DYNC2H1: variants seen among roughly 807,000 people sequenced by gnomAD.
The protein encoded by DYNC2H1 is dynein cytoplasmic 2 heavy chain 1, also known as cytoplasmic dynein 2 heavy chain 1.
A neutral mutation model predicts 570.0 loss-of-function variants in DYNC2H1; 410 were observed. The observed-to-expected ratio is 0.72, with a 90% confidence interval of 0.66 to 0.78. The LOEUF is 0.78. Among genes scored for constraint, DYNC2H1 ranks in the 30% least tolerant of loss-of-function variants. The pLI, the probability that DYNC2H1 is intolerant of heterozygous loss-of-function variation, is 0.00. For missense variants in DYNC2H1, 4,865 were observed against 5,046.4 expected (o/e 0.96, Z 1.09); for synonymous variants, 1,688 against 1,677.6 (o/e 1.01, Z -0.15).
At chr11:103,384,018 C>G (rs1315644556) in intron 83 of DYNC2H1, among the ~76,000 whole-genome samples, 5 of 152,116 alleles carry the variant, frequency 3.3e-5, no homozygotes, top group South Asian at 4.1e-4. Flanking sequence ...GGTCTTATGA[C>G]AGTAATCTTT....
rs200658596 is a variant in DYNC2H1, at chr11:103,312,066, G to A, written c.11649+33G>A. On this transcript the variant is annotated intron_variant, in intron 79 of 88. Coordinates refer to ENST00000375735, the MANE Select transcript of DYNC2H1 (RefSeq NM_001377.3). ...AGAACATGTCTTGAATACATTCTAA[G>A]CTTTATATTTTTGTATGTTAAAATA... The A allele has an allele frequency of 7.9e-5, 125 of 1,574,154 alleles. No homozygotes were observed. In the Admixed American group the frequency reaches 1.7e-3, roughly 21 times the overall value.
At chr11:103,233,098 G>A (rs1864076967) in intron 60 of DYNC2H1, among the ~76,000 whole-genome samples, 1 of 151,872 alleles carries the variant, frequency 6.6e-6, no homozygotes, top group African/African-American at 2.4e-5. Flanking sequence ...GAAGGAAGAA[G>A]GCACTTAGAA....
At chr11:103,394,450 G>A (rs575516415) in intron 83 of DYNC2H1, among the ~76,000 whole-genome samples, 10 of 152,176 alleles carry the variant, frequency 6.6e-5, no homozygotes, top group Admixed American at 3.3e-4. Flanking sequence ...ACAGAATTAT[G>A]TGTGCAGTTT....
rs1866498821 is a variant in DYNC2H1, at chr11:103,289,392, T to C, written c.11095+1787T>C. Among the ~76,000 whole-genome samples, 1 of 152,218 alleles carries C rather than the reference T, an allele frequency of 6.6e-6. No homozygotes were observed. The highest frequency in any genetic ancestry group is 2.4e-5 in the African/African-American group (1 of 41,468). On this transcript the variant is annotated intron_variant, in intron 75 of 88. Coordinates refer to ENST00000375735, the MANE Select transcript of DYNC2H1 (RefSeq NM_001377.3). The surrounding 1 kb of genome is among the most constrained non-coding windows in gnomAD (Gnocchi z 4.2). ...GGATAGTTCAGCCTACATGCAGGAA[T>C]GAACAAGGTCAGCTTAAAGGCTAGA...
rs1356760011 is a variant in DYNC2H1 at position 103,439,520 on chromosome 11, G to A, written c.12456+3488G>A. Among the ~76,000 whole-genome samples the A allele has an allele frequency of 6.6e-6, 1 of 152,044 alleles. No homozygotes were observed. The highest frequency in any genetic ancestry group is 1.5e-5 in the Non-Finnish European group (1 of 67,990). The stretch of plus-strand genomic sequence containing the variant: ...GGTAACCATTGCAGCATTTTAAGAA[G>A]GAAAGTCAGATTATGTTTTAAAGGG... On this transcript the variant is annotated intron_variant, in intron 85 of 88. Coordinates refer to ENST00000375735, the MANE Select transcript of DYNC2H1 (RefSeq NM_001377.3). This position sits in a 1 kb window ranked among gnomAD's most constrained non-coding sequence, Gnocchi z 4.1.
intron 79 of DYNC2H1, among the ~76,000 whole-genome samples, chr11:103,315,120 A>T (rs543721371): frequency 3.3e-5 from 5 of 151,948 alleles, no homozygotes; most frequent in African/African-American, 1.2e-4. Flanking sequence ...TCCAAATGCT[A>T]TTGACCCCAA....
intron 79 of DYNC2H1, among the ~76,000 whole-genome samples, chr11:103,315,912 A>G (rs551022932): frequency 6.7e-4 from 98 of 145,454 alleles, no homozygotes; most frequent in African/African-American, 2.4e-3. Context: ...TTGTATCAGT[A>G]TTCCTAATAT....
At chr11:103,309,356 C>A (rs1481880372) in intron 78 of DYNC2H1, among the ~76,000 whole-genome samples, 4 of 141,360 alleles carry the variant, frequency 2.8e-5, no homozygotes, top group African/African-American at 7.7e-5. Context: ...TATTTCTTTT[C>A]TTTTTTTTTT....
intron 62 of DYNC2H1, 138 bp downstream of exon 62, chr11:103,235,951 CAAGGA>C (rs1864202770): frequency 9.4e-7 from 1 of 1,061,442 alleles, no homozygotes; most frequent in East Asian, 2.7e-5. Context: ...ATATGGGTTC[CAAGGA>C]TACCCTAGCT....
chr11:103,457,557 GA>G (rs1366535499), intron 87 of DYNC2H1, among the ~76,000 whole-genome samples: 2 of 103,148 alleles, frequency 1.9e-5, no homozygotes, highest in Non-Finnish European at 3.6e-5. Flanking sequence ...ATTTTAAAAA[GA>G]AAAAACTTAA....
chr11:103,439,261 A>G lies in DYNC2H1; in HGVS notation c.12456+3229A>G, dbSNP rs1944174665. ...TAGGAATAAACCAGATGAGGATGAG[A>G]CGAAAGAATGTATCAGACAGAAGGC... On this transcript the variant is annotated intron_variant, in intron 85 of 88. Transcript: ENST00000375735. The surrounding 1 kb of genome is among the most constrained non-coding windows in gnomAD (Gnocchi z 4.1). 6.6e-6 allele frequency among the ~76,000 whole-genome samples: 1 copy of G among 152,280 alleles called. No individual in the cohort carries two copies. The highest frequency in any genetic ancestry group is 6.5e-5 in the Admixed American group (1 of 15,278).
chr11:103,117,557 T>G (rs1475466146), intron 5 of DYNC2H1, 74 bp from the exon 6 acceptor site: 1 of 1,196,352 alleles, frequency 8.4e-7, no homozygotes. Context: ...AATATTGTCA[T>G]AAGCATGTAT....
At chr11:103,354,850 A>G (rs181664039) in intron 82 of DYNC2H1, among the ~76,000 whole-genome samples, 135 of 149,968 alleles carry the variant, frequency 9.0e-4, no homozygotes, top group African/African-American at 3.2e-3. Context: ...TACATTGTGC[A>G]GTACCAGATG....
At chr11:103,168,635 A>G in intron 31 of DYNC2H1, 120 bp from the exon 32 acceptor site, 2 of 1,053,648 alleles carry the variant, frequency 1.9e-6, no homozygotes, top group Non-Finnish European at 2.8e-6. Flanking sequence ...TATACCATTC[A>G]TATGTGTCAT....
chr11:103,347,674 T>G lies in DYNC2H1; in HGVS notation c.12040-10569T>G, dbSNP rs117977385. On this transcript the variant is annotated intron_variant, in intron 82 of 88. Coordinates refer to ENST00000375735, the MANE Select transcript of DYNC2H1 (RefSeq NM_001377.3). ...ATAGTAAAATTAATATTTAAAAGTT[T>G]TTAAAATGTCGTGGATATTTACATG... is the stretch of plus-strand genomic sequence containing the variant. Among the ~76,000 whole-genome samples the G allele has an allele frequency of 3.4e-4, 52 of 152,304 alleles. No individual in the cohort carries two copies. The East Asian group carries it at 4.0e-3, about 12-fold the overall frequency.
At chr11:103,144,262 A>G (rs971779264) in intron 18 of DYNC2H1, among the ~76,000 whole-genome samples, 1 of 152,220 alleles carries the variant, frequency 6.6e-6, no homozygotes, top group African/African-American at 2.4e-5. Context: ...ATTAGCAACA[A>G]TAGTTAGTAA....
chr11:103,300,196 C>T (rs1866990975), intron 75 of DYNC2H1, among the ~76,000 whole-genome samples: 1 of 151,956 alleles, frequency 6.6e-6, no homozygotes, highest in Non-Finnish European at 1.5e-5. Context: ...CCTTTTTGAA[C>T]TGCAAGTTGT....
Position 103,228,094 on chromosome 11 carries a change from C to G in DYNC2H1, c.9354-3166C>G, listed in dbSNP as rs1167314246. On this transcript the variant is annotated intron_variant, in intron 59 of 88. Transcript: ENST00000375735. This position sits in a 1 kb window ranked among gnomAD's most constrained non-coding sequence, Gnocchi z 6.1. ...AGAGTCCTTATTGTGTCAGGTGAGT[C>G]TCTTTTAGACAGCAGAAACTTGGTT... is the stretch of plus-strand genomic sequence containing the variant. Among the ~76,000 whole-genome samples the G allele has an allele frequency of 6.6e-6, 1 of 152,130 alleles. No homozygotes were observed. Among genetic ancestry groups the G allele is most frequent in the Non-Finnish European group, 1.5e-5 (1 of 68,016 alleles).
In DYNC2H1 at chr11:103,465,430, T is replaced by G. The variant is rs1945166294; in HGVS notation, c.12649-3159T>G. ...TCAAATTTTAAAATTTAATGCAATT[T>G]CAACCAGTATCCCAAAGTGTGTTTT... is the stretch of plus-strand genomic sequence containing the variant. On this transcript the variant is annotated intron_variant, in intron 87 of 88. Transcript: ENST00000375735. This position sits in a 1 kb window ranked among gnomAD's most constrained non-coding sequence, Gnocchi z 4.9. Among the ~76,000 whole-genome samples the G allele has an allele frequency of 6.6e-6, 1 of 151,562 alleles. No homozygotes were observed. Among genetic ancestry groups the G allele is most frequent in the South Asian group, 2.1e-4 (1 of 4,794 alleles).
Sources: allele counts gnomAD v4.1 joint callset (sites outside exome capture counted in the v4.1 genomes callset), GRCh38; gene constraint gnomAD v4.1.1; non-coding constraint Gnocchi (gnomAD v3.1); transcripts MANE v1.5; gene names NCBI Gene and HGNC (gene_info 2026-07-23, HGNC 2026-07-21).